Variants in TEX9 observed in about 807,000 individuals in gnomAD.
TEX9 encodes testis expressed 9, also known as testis-expressed protein 9.
A neutral mutation model predicts 59.6 loss-of-function variants in TEX9; 74 were observed. That is an observed-to-expected ratio of 1.24 (90% CI 1.03 to 1.51). The LOEUF (loss-of-function observed/expected upper bound fraction) is 1.51. Among genes scored for constraint, TEX9 ranks in the 40% most tolerant of loss-of-function variants. The probability of loss-of-function intolerance (pLI) is 0.00; values close to 1 mark genes in which losing one functional copy is unlikely to be tolerated. For synonymous variants in TEX9, 186 were observed against 152.2 expected (o/e 1.22, Z -1.64); for missense variants, 522 against 447.8 (o/e 1.17, Z -1.49).
intron 1 of TEX9, among the ~76,000 whole-genome samples, chr15:56,299,969 C>G (rs956121646): frequency 1.3e-5 from 2 of 151,808 alleles, no homozygotes; most frequent in Non-Finnish European, 2.9e-5. Context: ...GAGAGACTCT[C>G]TCTGCTTGTG....
chr15:56,374,691 C>G (rs1426842926), intron 3 of TEX9: 1 of 152,096 alleles, frequency 6.6e-6, no homozygotes, highest in African/African-American at 2.4e-5. Context: ...ATCTCCCACC[C>G]CTGCATCCCC....
chr15:56,318,412 A>G (rs1472330460), intron 1 of TEX9, among the ~76,000 whole-genome samples: 1 of 152,084 alleles, frequency 6.6e-6, no homozygotes, highest in African/African-American at 2.4e-5. Flanking sequence ...AGTGCATCAT[A>G]TTGTAGGCAG....
chr15:56,425,117 C>A (rs1461911116), intron 10 of TEX9, among the ~76,000 whole-genome samples: 3 of 152,094 alleles, frequency 2.0e-5, no homozygotes, highest in Non-Finnish European at 2.9e-5. Context: ...GATAATCTTA[C>A]AGATGCTCCC....
At chr15:56,404,336 C>T (rs759915340) in intron 9 of TEX9, among the ~76,000 whole-genome samples, 5 of 152,142 alleles carry the variant, frequency 3.3e-5, no homozygotes, top group Non-Finnish European at 5.9e-5. Context: ...TATGAACAGA[C>T]GCTTCTCAAA....
chr15:56,306,123 G>C (rs1461546608), intron 1 of TEX9, among the ~76,000 whole-genome samples: 11 of 152,084 alleles, frequency 7.2e-5, no homozygotes, highest in Admixed American at 7.2e-4. Flanking sequence ...AGAATGCAGA[G>C]AAAAGGTAAC....
intron 1 of TEX9, among the ~76,000 whole-genome samples, chr15:56,302,361 A>ACG (rs1555431763): frequency 0.027 from 4,022 of 149,694 alleles, 77 homozygotes; most frequent in Non-Finnish European, 0.04. Context: ...ACACACACAC[A>ACG]CGAACATAAA....
At chr15:56,323,227 C>A in intron 1 of TEX9, 1 of 216,948 alleles carries the variant, frequency 4.6e-6, no homozygotes, top group South Asian at 8.0e-5. Flanking sequence ...GTCAACTTCT[C>A]AAAGTTCTCT....
At chr15:56,433,422 A>AAAAG (rs1438023252) in intron 12 of TEX9, among the ~76,000 whole-genome samples, 1 of 50,212 alleles carries the variant, frequency 2.0e-5, no homozygotes, top group Admixed American at 2.0e-4. Flanking sequence ...GAACTTAAAA[A>AAAAG]TATTAAAAAA....
At chr15:56,395,200 G>T (rs1205761160) in intron 9 of TEX9, 9 of 233,460 alleles carry the variant, frequency 3.9e-5, no homozygotes, top group Admixed American at 3.3e-4. Context: ...TGTCTATTCT[G>T]GAAATCACAT....
At chr15:56,415,990 G>T (rs12437959) in intron 10 of TEX9, among the ~76,000 whole-genome samples, 19,798 of 151,580 alleles carry the variant, frequency 0.13, 1,848 homozygotes, top group East Asian at 0.37. Flanking sequence ...TGTGGCAAGT[G>T]GGGATGGGAT....
chr15:56,449,346 G>T (rs922646715), downstream of TEX9, among the ~76,000 whole-genome samples: 5 of 146,300 alleles, frequency 3.4e-5, no homozygotes, highest in Admixed American at 1.3e-4. Context: ...ATAGAGTGAT[G>T]ATTCATATCA....
intron 6 of TEX9, among the ~76,000 whole-genome samples, chr15:56,390,156 T>C (rs1483003891): frequency 6.6e-6 from 1 of 151,906 alleles, no homozygotes; most frequent in East Asian, 1.9e-4. Context: ...ATACAATAGA[T>C]TGAAGAAAAG....
In TEX9 at chr15:56,393,281, A is replaced by T. The variant is rs2048303076; in HGVS notation, c.572-884A>T. Among the ~76,000 whole-genome samples the T allele has an allele frequency of 3.9e-5, 6 of 152,020 alleles. No homozygotes were observed. The South Asian group carries it at 1.2e-3, about 32-fold the overall frequency. ...GAGTTACATGAGAGGCTGGTAGGAG[A>T]GTTGAGGCCAAAGAGACCTAGGTAG... On this transcript the variant is annotated intron_variant, in intron 7 of 12. Transcript: ENST00000352903.
intron 1 of TEX9, among the ~76,000 whole-genome samples, chr15:56,309,876 G>A (rs2045570379): frequency 6.6e-6 from 1 of 151,876 alleles, no homozygotes; most frequent in African/African-American, 2.4e-5. Context: ...AGTCAGGGAA[G>A]TGAAAAATCC....
chr15:56,394,702 TGAA>T (rs750860504), exon 9 of TEX9: 1,915 of 1,608,650 alleles, frequency 1.2e-3, no homozygotes, highest in Non-Finnish European at 1.5e-3. Flanking sequence ...TAAAAAATTT[TGAA>T]GAAGATTTTA....
At chr15:56,450,786 G>A (rs1192279683), downstream of TEX9, among the ~76,000 whole-genome samples, 2 of 152,104 alleles carry the variant, frequency 1.3e-5, no homozygotes, top group Non-Finnish European at 2.9e-5. Context: ...GGAATTGCTG[G>A]CTCATATGGT....
At chr15:56,431,359 T>C (rs1567146006) in intron 12 of TEX9, 1 of 1,608,588 alleles carries the variant, frequency 6.2e-7, no homozygotes, top group African/African-American at 1.3e-5. Context: ...CAACTTGAGA[T>C]AAATCTCACT....
chr15:56,289,928 C>G (rs1283118757), intron 1 of TEX9, among the ~76,000 whole-genome samples: 1 of 152,222 alleles, frequency 6.6e-6, no homozygotes, highest in African/African-American at 2.4e-5. Flanking sequence ...GTTACAAAGT[C>G]TTTGGCATCA....
chr15:56,444,236 G>T (rs2050868915), intron 12 of TEX9, among the ~76,000 whole-genome samples: 2 of 151,994 alleles, frequency 1.3e-5, no homozygotes, highest in Non-Finnish European at 2.9e-5. Flanking sequence ...AATCACTTCA[G>T]CATTTATTAA....
Sources: allele counts gnomAD v4.1 joint callset (sites outside exome capture counted in the v4.1 genomes callset), GRCh38; gene constraint gnomAD v4.1.1; transcripts MANE v1.5; gene names NCBI Gene and HGNC (gene_info 2026-07-23, HGNC 2026-07-21).